PACRG: variants seen among roughly 807,000 people sequenced by gnomAD.
The protein encoded by PACRG is parkin coregulated gene protein.
In PACRG, 29 loss-of-function variants were observed where a neutral mutation model predicts 29.7. That is an observed-to-expected ratio of 0.98 (90% CI 0.73 to 1.33). The LOEUF (loss-of-function observed/expected upper bound fraction) is 1.33, where lower values mean the gene tolerates loss of function less well. PACRG is among the 40% of genes most tolerant of loss of function. The pLI is 0.00. For synonymous variants in PACRG, 116 were observed against 118.7 expected (o/e 0.98, Z 0.15); for missense variants, 279 against 316.2 (o/e 0.88, Z 0.89).
At chr6:162,742,782 A>C (rs2128264196) in intron 1 of PACRG, among the ~76,000 whole-genome samples, 1 of 152,220 alleles carries the variant, frequency 6.6e-6, no homozygotes, top group Non-Finnish European at 1.5e-5. Context: ...CTTGTGAATA[A>C]TGCTGTAATA....
At chr6:162,867,825 C>T (rs1051318154) in intron 2 of PACRG, among the ~76,000 whole-genome samples, 5 of 152,126 alleles carry the variant, frequency 3.3e-5, no homozygotes, top group Admixed American at 6.5e-5. Context: ...AAGGAGCCCT[C>T]GTCCTAGAAG....
chr6:163,114,185 G>A (rs1815858697), intron 4 of PACRG, among the ~76,000 whole-genome samples: 1 of 152,196 alleles, frequency 6.6e-6, no homozygotes, highest in Non-Finnish European at 1.5e-5. Context: ...AGGAGGTGGA[G>A]GTTTCAGTGA....
At chr6:163,023,695 A>G (rs573507669) in intron 2 of PACRG, among the ~76,000 whole-genome samples, 1 of 152,326 alleles carries the variant, frequency 6.6e-6, no homozygotes, top group African/African-American at 2.4e-5. Flanking sequence ...TCCCACCAAC[A>G]GTGTATAAGT....
chr6:162,792,593 C>T (rs543372840), intron 1 of PACRG, among the ~76,000 whole-genome samples: 2 of 152,238 alleles, frequency 1.3e-5, no homozygotes, highest in South Asian at 4.1e-4. Context: ...ATAGAACAGT[C>T]TGAAAGAGGA....
chr6:163,153,832 G>T (rs940770755), intron 4 of PACRG, among the ~76,000 whole-genome samples: 1 of 152,108 alleles, frequency 6.6e-6, no homozygotes, highest in Non-Finnish European at 1.5e-5. Context: ...CAATACTATC[G>T]CTATTGAGTG....
intron 4 of PACRG, among the ~76,000 whole-genome samples, chr6:163,292,429 T>C (rs1309626402): frequency 6.6e-6 from 1 of 152,070 alleles, no homozygotes; most frequent in Non-Finnish European, 1.5e-5. Flanking sequence ...TGAGATGGAG[T>C]CTTGCTCTGT....
chr6:163,003,100 G>T (rs1424162058), intron 2 of PACRG, among the ~76,000 whole-genome samples: 1 of 152,116 alleles, frequency 6.6e-6, no homozygotes, highest in East Asian at 1.9e-4. Context: ...ATTCTCACCA[G>T]CTGCTGCTAA....
At chr6:163,187,441 G>A (rs537436906) in intron 4 of PACRG, among the ~76,000 whole-genome samples, 8 of 151,994 alleles carry the variant, frequency 5.3e-5, no homozygotes, top group Non-Finnish European at 1.2e-4. Flanking sequence ...TGCTGAGAAC[G>A]CCTCTCAACT....
intron 4 of PACRG, among the ~76,000 whole-genome samples, chr6:163,108,753 C>G (rs563338686): frequency 6.6e-6 from 1 of 152,210 alleles, no homozygotes; most frequent in South Asian, 2.1e-4. Flanking sequence ...GTTGCGCCAA[C>G]CTATAGCAAT....
At chr6:162,879,838 C>A (rs985075922) in intron 2 of PACRG, among the ~76,000 whole-genome samples, 1 of 152,192 alleles carries the variant, frequency 6.6e-6, no homozygotes, top group Admixed American at 6.5e-5. Context: ...GAGGGAGTTA[C>A]TCCTTCTTCA....
intron 1 of PACRG, among the ~76,000 whole-genome samples, chr6:162,760,713 G>A (rs1447294771): frequency 6.6e-6 from 1 of 152,100 alleles, no homozygotes; most frequent in Non-Finnish European, 1.5e-5. Flanking sequence ...GGCTGTAGAG[G>A]TCTTGGGAAG....
At chr6:163,026,495 T>A (rs1807143206) in intron 2 of PACRG, among the ~76,000 whole-genome samples, 1 of 152,240 alleles carries the variant, frequency 6.6e-6, no homozygotes, top group African/African-American at 2.4e-5. Context: ...GCTAGATGTA[T>A]GCTAGATTAG....
chr6:162,895,498 A>G (rs1405794811), intron 2 of PACRG, among the ~76,000 whole-genome samples: 2 of 152,176 alleles, frequency 1.3e-5, no homozygotes, highest in African/African-American at 4.8e-5. Context: ...ACTTTGTATC[A>G]AATGGGGCTA....
At chr6:162,743,187 C>G (rs1478859713) in intron 1 of PACRG, among the ~76,000 whole-genome samples, 1 of 152,132 alleles carries the variant, frequency 6.6e-6, no homozygotes, top group African/African-American at 2.4e-5. Flanking sequence ...AATGTCTATT[C>G]AGTCCCTTTG....
intron 2 of PACRG, among the ~76,000 whole-genome samples, chr6:162,910,034 G>A (rs962579547): frequency 5.9e-5 from 9 of 152,154 alleles, no homozygotes; most frequent in Admixed American, 3.3e-4. Context: ...AGATTCTTGC[G>A]TCTTCACTTA....
At chr6:162,943,336 C>G (rs1238562694) in intron 2 of PACRG, among the ~76,000 whole-genome samples, 1 of 152,174 alleles carries the variant, frequency 6.6e-6, no homozygotes, top group Admixed American at 6.5e-5. Flanking sequence ...GCTGCTGTTA[C>G]CAGGGCCAAA....
chr6:162,884,195 C>T (rs921988816), intron 2 of PACRG, among the ~76,000 whole-genome samples: 1 of 152,168 alleles, frequency 6.6e-6, no homozygotes, highest in Non-Finnish European at 1.5e-5. Context: ...CTGCCTTGGC[C>T]TCCCAAAGTG....
intron 1 of PACRG, among the ~76,000 whole-genome samples, chr6:162,729,098 G>A (rs1300725810): frequency 6.6e-6 from 1 of 152,088 alleles, no homozygotes; most frequent in East Asian, 1.9e-4. Context: ...AGAGAAAAAA[G>A]ATTAAAAATA....
intron 4 of PACRG, among the ~76,000 whole-genome samples, chr6:163,212,783 CTT>C (rs34101369): frequency 1.4e-5 from 2 of 144,130 alleles, no homozygotes; most frequent in Non-Finnish European, 3.0e-5. Context: ...AACTGATAAT[CTT>C]TTTTTTTTTT....
Sources: allele counts gnomAD v4.1 joint callset (sites outside exome capture counted in the v4.1 genomes callset), GRCh38; gene constraint gnomAD v4.1.1; transcripts MANE v1.5; gene names NCBI Gene and HGNC (gene_info 2026-07-23, HGNC 2026-07-21).